SCUBE1: variants seen among roughly 807,000 people sequenced by gnomAD.
SCUBE1 encodes the protein signal peptide, CUB domain and EGF like domain containing 1.
SCUBE1 carries 59 observed loss-of-function variants against 124.4 expected under a neutral mutation model. The observed-to-expected ratio is 0.47, with a 90% CI of 0.38 to 0.59. SCUBE1 has a LOEUF of 0.59. Ranked by LOEUF, SCUBE1 falls within the 20% of genes least tolerant of loss-of-function variation. The pLI is 0.00. For missense variants in SCUBE1, 1,150 were observed against 1,371.2 expected, an observed-to-expected ratio of 0.84 and a Z score of 2.55; for synonymous variants, 545 against 550.9, an observed-to-expected ratio of 0.99 and a Z score of 0.15.
At chr22:43,254,725 C>T (rs1309575345) in intron 6 of SCUBE1, among the ~76,000 whole-genome samples, 1 of 152,242 alleles carries the variant, frequency 6.6e-6, no homozygotes, top group East Asian at 1.9e-4. Flanking sequence ...CACAGCTACG[C>T]TCAGGAGGTC....
intron 4 of SCUBE1, among the ~76,000 whole-genome samples, chr22:43,278,458 C>A (rs773913279): frequency 1.3e-5 from 2 of 152,190 alleles, no homozygotes; most frequent in Non-Finnish European, 2.9e-5. Flanking sequence ...AATGGAAAGC[C>A]CTGGAACAGG....
intron 19 of SCUBE1, 67 bp from the exon 20 acceptor site, chr22:43,208,291 C>T: frequency 6.6e-7 from 1 of 1,509,284 alleles, no homozygotes; most frequent in South Asian, 1.1e-5. Context: ...GGCCACTCGC[C>T]TCCCATCCAG....
At chr22:43,249,688 G>A (rs1369173691) in intron 6 of SCUBE1, among the ~76,000 whole-genome samples, 1 of 152,244 alleles carries the variant, frequency 6.6e-6, no homozygotes, top group Non-Finnish European at 1.5e-5. Flanking sequence ...GGAAACCCGG[G>A]GCTCAGAGGG....
At chr22:43,230,488 A>G (rs977082631) in intron 8 of SCUBE1, among the ~76,000 whole-genome samples, 1 of 152,200 alleles carries the variant, frequency 6.6e-6, no homozygotes, top group Admixed American at 6.5e-5. Flanking sequence ...GGGCCTCACA[A>G]GCGATCTCAC....
At chr22:43,227,661 G>A (rs1032322775) in intron 9 of SCUBE1, among the ~76,000 whole-genome samples, 165 bp from the exon 10 acceptor site, 1 of 152,106 alleles carries the variant, frequency 6.6e-6, no homozygotes, top group Non-Finnish European at 1.5e-5. Context: ...ACACACACGC[G>A]TGGGTTTATA....
At chr22:43,300,705 G>A (rs1193236075) in intron 3 of SCUBE1, among the ~76,000 whole-genome samples, 1 of 152,042 alleles carries the variant, frequency 6.6e-6, no homozygotes, top group Non-Finnish European at 1.5e-5. Context: ...GCAGCCTCAG[G>A]CAGCACTAGG....
chr22:43,313,748 C>A (rs1289977683), intron 3 of SCUBE1, among the ~76,000 whole-genome samples: 1 of 152,208 alleles, frequency 6.6e-6, no homozygotes, highest in Non-Finnish European at 1.5e-5. Flanking sequence ...CTTGGCCACC[C>A]TCCAGGACAC....
chr22:43,261,007 C>T (rs1923851254), intron 5 of SCUBE1, among the ~76,000 whole-genome samples: 1 of 152,272 alleles, frequency 6.6e-6, no homozygotes, highest in African/African-American at 2.4e-5. Context: ...TGGCACTGGG[C>T]TCAAGGCCCA....
At chr22:43,296,196 T>C (rs957035983) in intron 3 of SCUBE1, among the ~76,000 whole-genome samples, 2 of 152,212 alleles carry the variant, frequency 1.3e-5, no homozygotes, top group African/African-American at 4.8e-5. Flanking sequence ...ACCCCAGCTC[T>C]GTTCGGGTCC....
chr22:43,280,033 G>A (rs1175400604), intron 4 of SCUBE1, among the ~76,000 whole-genome samples: 2 of 152,192 alleles, frequency 1.3e-5, no homozygotes, highest in Non-Finnish European at 2.9e-5. Flanking sequence ...TACAGCCCAG[G>A]CTGGGCCAGG....
chr22:43,229,328 C>T lies in SCUBE1; in HGVS notation c.968-140G>A, dbSNP rs1922460161. On this transcript the variant is annotated intron_variant, in intron 8 of 21. Coordinates refer to ENST00000360835, the MANE Select transcript of SCUBE1 (RefSeq NM_173050.5). Reference sequence around the variant, plus strand: ...GCAGGCGCAGCACAGCACCGACCCACAGGAAATGGGAGACTCCTTGCTGCT... The same window carrying T: ...GCAGGCGCAGCACAGCACCGACCCATAGGAAATGGGAGACTCCTTGCTGCT... 4.5e-6 allele frequency: 3 copies of T among 666,204 alleles called. No homozygotes were observed. The South Asian group carries it at 5.1e-5, about 11-fold the overall frequency. The allele number at this position is 666,204 out of a possible 1,614,324, so 41.3% of individuals were successfully genotyped here.
At chr22:43,219,693 TG>T (rs1375377450) in intron 14 of SCUBE1, among the ~76,000 whole-genome samples, 1 of 152,142 alleles carries the variant, frequency 6.6e-6, no homozygotes, top group Non-Finnish European at 1.5e-5. Flanking sequence ...AGGCTGGTCT[TG>T]AACTCCTGAA....
intron 14 of SCUBE1, among the ~76,000 whole-genome samples, chr22:43,219,459 G>C (rs113036636): frequency 3.3e-5 from 5 of 151,412 alleles, no homozygotes; most frequent in Non-Finnish European, 7.4e-5. Context: ...TTTTAGCAAC[G>C]CAAATAGACT....
chr22:43,238,868 T>A lies in SCUBE1; in HGVS notation c.814A>T (p.Thr272Ser). 1 of 1,613,260 alleles carries A rather than the reference T, an allele frequency of 6.2e-7. No individual in the cohort carries two copies. Among genetic ancestry groups the A allele is most frequent in the South Asian group, 1.1e-5 (1 of 91,090 alleles). ...GVRCSCPVGF[T>S]LQPDGKTCKD... ...CATGTCTTCCCGTCCGGCTGCAGTG[T>A]GAATCCAACGGGGCAGCTGCATCGC... The change falls in exon 7 of 22, where the codon ACA becomes TCA. Residue 272 changes from threonine to serine, a missense_variant. Thr to Ser is a moderately conservative substitution (Grantham distance 58). Coordinates refer to ENST00000360835, the MANE Select transcript of SCUBE1 (RefSeq NM_173050.5).
At chr22:43,214,047 G>GGGGGGGGGGCCCCCCCCC in intron 16 of SCUBE1, 43 bp downstream of exon 16, 1 of 143,440 alleles carries the variant, frequency 7.0e-6, no homozygotes. Context: ...AGGAGCCCCC[G>GGGGGGGGGGCCCCCCCCC]CCCACCCCCC....
chr22:43,269,365 G>A (rs546163507), intron 4 of SCUBE1, among the ~76,000 whole-genome samples: 4 of 152,308 alleles, frequency 2.6e-5, no homozygotes, highest in East Asian at 1.9e-4. Context: ...GAGCCAGTGC[G>A]TACATCACAT....
At chr22:43,221,438 G>T in intron 12 of SCUBE1, 149 bp from the exon 13 acceptor site, 1 of 637,222 alleles carries the variant, frequency 1.6e-6, no homozygotes, top group Non-Finnish European at 2.8e-6. Context: ...TCCTGGGGTG[G>T]GGGACCCTCT....
chr22:43,278,486 C>G (rs1924625937), intron 4 of SCUBE1, among the ~76,000 whole-genome samples: 1 of 152,204 alleles, frequency 6.6e-6, no homozygotes. Flanking sequence ...ATGTCTCTGG[C>G]CCTGCAGGAG....
Position 43,200,815 on chromosome 22 carries a change from A to C in SCUBE1, c.*3182T>G, listed in dbSNP as rs1207461871. 1 of 152,310 alleles carries C rather than the reference A, an allele frequency of 6.6e-6. No individual in the cohort carries two copies. Among genetic ancestry groups the C allele is most frequent in the African/African-American group, 2.4e-5 (1 of 41,448 alleles). The allele number at this position is 152,310 out of a possible 1,614,324, so 9.4% of individuals were successfully genotyped here. On this transcript the variant is annotated 3_prime_UTR_variant, in exon 22 of 22. Transcript: ENST00000360835. The stretch of plus-strand genomic sequence containing the variant: ...AGGATGAAGGCTGGGCCTCGTCTGC[A>C]CCTGCCCATCCAACTTTGCCCTGGG...
Sources: allele counts gnomAD v4.1 joint callset (sites outside exome capture counted in the v4.1 genomes callset), GRCh38; gene constraint gnomAD v4.1.1; transcripts MANE v1.5; gene names NCBI Gene and HGNC (gene_info 2026-07-23, HGNC 2026-07-21).